AHNAK: variants seen among roughly 807,000 people sequenced by gnomAD.
The protein encoded by AHNAK is AHNAK nucleoprotein.
A neutral mutation model predicts 37.8 loss-of-function variants in AHNAK; 23 were observed. The ratio of observed to expected loss-of-function variants is 0.61; its 90% CI spans 0.44 to 0.86. AHNAK has a LOEUF of 0.86. AHNAK is among the 40% of genes least tolerant of loss of function. The pLI is 0.00. For missense variants in AHNAK, 7,411 were observed against 7,319.4 expected, an observed-to-expected ratio of 1.01 and a Z score of -0.46; for synonymous variants, 2,481 against 2,636.3, an observed-to-expected ratio of 0.94 and a Z score of 1.80.
chr11:62,440,145 G>A (rs1938272022), intron 5 of AHNAK, among the ~76,000 whole-genome samples: 1 of 152,114 alleles, frequency 6.6e-6, no homozygotes, highest in Admixed American at 6.6e-5. Context: ...TCCACTCACT[G>A]CCAATCAAGG....
rs908995572 is a variant in AHNAK at position 62,529,661 on chromosome 11, G to C, written c.4756C>G (p.Leu1586Val). ...THKISMPDVG[L>V]NLKAPKLKTD... ...TTCAGTTTAGGGGCTTTCAAATTAA[G>C]TCCAACATCAGGCATAGAGATTTTG... Residue 1586 changes from leucine to valine, a missense_variant, in exon 5 of 5, where the codon CTT (leucine) becomes GTT (valine). Coordinates refer to ENST00000378024, the MANE Select transcript of AHNAK (RefSeq NM_001620.3). 2 of 1,614,140 alleles carry C rather than the reference G, an allele frequency of 1.2e-6. No homozygotes were observed. Among genetic ancestry groups the C allele is most frequent in the African/African-American group, 1.3e-5 (1 of 75,032 alleles).
At position 62,433,548 on chromosome 11, in the gene AHNAK, C is replaced by T. The variant is rs970509671; in HGVS notation, c.*336G>A. ...ACAAAGGTTGACACAAGAACAGATG[C>T]TTGATAAATGTTTATTGGATAAACG... On this transcript the variant is annotated 3_prime_UTR_variant, in exon 6 of 6. Coordinates refer to the AHNAK transcript ENST00000257247. 4.5e-5 allele frequency: 16 copies of T among 355,412 alleles called. No individual in the cohort carries two copies. The South Asian group carries it at 1.1e-3, about 23-fold the overall frequency. 22.0% of individuals were successfully genotyped at this position (355,412 alleles called of 1,614,324 possible).
intron 5 of AHNAK, among the ~76,000 whole-genome samples, chr11:62,448,616 G>A (rs189851145): frequency 2.4e-4 from 37 of 152,318 alleles, no homozygotes; most frequent in African/African-American, 8.4e-4. Flanking sequence ...GTTCAGGGGT[G>A]GGGGAGGCAA....
chr11:62,441,066 T>C (rs1325100269), intron 5 of AHNAK, among the ~76,000 whole-genome samples: 1 of 151,824 alleles, frequency 6.6e-6, no homozygotes, highest in Non-Finnish European at 1.5e-5. Context: ...AGTGGCATCA[T>C]CTCAGCTCAC....
chr11:62,521,146 G>A lies in AHNAK; in HGVS notation c.13271C>T (p.Pro4424Leu). Residue 4424 changes from proline (P) to leucine (L), a missense_variant, in exon 5 of 5, where the codon CCC (proline) becomes CTC (leucine). Transcript: ENST00000378024. ...LKGPEIDIKG[P>L]SLDIDTPDVN... is the part of the protein sequence containing the mutation. ...ATCAGGTGTGTCAATGTCCAAACTG[G>A]GGCCTTTTATGTCAATTTCAGGGCC... The A allele has an allele frequency of 1.2e-6, 2 of 1,613,766 alleles. No individual in the cohort carries two copies. The highest frequency in any genetic ancestry group is 1.7e-6 in the Non-Finnish European group (2 of 1,179,978).
chr11:62,483,064 T>TCG (rs1939308310), intron 5 of AHNAK, among the ~76,000 whole-genome samples: 1 of 152,104 alleles, frequency 6.6e-6, no homozygotes, highest in Non-Finnish European at 1.5e-5. Flanking sequence ...CAAGAAGCAC[T>TCG]GCCTGGAGAG....
intron 4 of AHNAK, among the ~76,000 whole-genome samples, chr11:62,500,991 G>C (rs1400357544): frequency 6.6e-6 from 1 of 152,100 alleles, no homozygotes; most frequent in African/African-American, 2.4e-5. Context: ...GGCTGAGATG[G>C]GAGAATTGCT....
Position 62,535,025 on chromosome 11 carries a change from G to T in AHNAK, c.320C>A (p.Ser107Tyr). ...GQTWTREVFS[S>Y]CSSEVVLSGD... ...CACCAGAACCACTTCAGAGCTGCAGGAGCTGAAGACTTCACGGGTCCAGGT... is the reference window on the plus strand; with the variant it reads ...CACCAGAACCACTTCAGAGCTGCAGTAGCTGAAGACTTCACGGGTCCAGGT... Residue 107 changes from serine (S) to tyrosine (Y), a missense_variant, in exon 4 of 5, where the codon TCC (serine) becomes TAC (tyrosine). Ser to Tyr is a moderately radical substitution (Grantham distance 144). Coordinates refer to ENST00000378024, the MANE Select transcript of AHNAK (RefSeq NM_001620.3). 6.2e-7 allele frequency: 1 copy of T among 1,612,124 alleles called. No homozygotes were observed. Among genetic ancestry groups the T allele is most frequent in the African/African-American group, 1.3e-5 (1 of 75,016 alleles).
At chr11:62,459,010 A>G (rs1938727158) in intron 5 of AHNAK, among the ~76,000 whole-genome samples, 1 of 152,032 alleles carries the variant, frequency 6.6e-6, no homozygotes, top group South Asian at 2.1e-4. Context: ...GGACTGAGGG[A>G]TTTCCTGGGA....
At chr11:62,482,035 C>T (rs1432887210) in intron 5 of AHNAK, among the ~76,000 whole-genome samples, 1 of 152,184 alleles carries the variant, frequency 6.6e-6, no homozygotes, top group Non-Finnish European at 1.5e-5. Flanking sequence ...CTCACTCCAT[C>T]CCTGGCCCGT....
At chr11:62,469,431 A>G (rs922966585) in intron 5 of AHNAK, among the ~76,000 whole-genome samples, 1 of 148,308 alleles carries the variant, frequency 6.7e-6, no homozygotes, top group African/African-American at 2.5e-5. Context: ...CCCAATTAGG[A>G]TCTTTAACTA....
intron 5 of AHNAK, among the ~76,000 whole-genome samples, chr11:62,478,652 G>A (rs1939198164): frequency 6.6e-6 from 1 of 150,930 alleles, no homozygotes. Context: ...GGAGACTGAG[G>A]TGCGAGGATC....
Position 62,439,664 on chromosome 11 carries a change from GAT to G in AHNAK, c.443-5775_443-5774del, listed in dbSNP as rs754151582. Among the ~76,000 whole-genome samples the G allele has an allele frequency of 2.0e-3, 253 of 126,412 alleles. 13 individuals carry two copies. Among genetic ancestry groups the G allele is most frequent in the East Asian group, 6.2e-3 (26 of 4,180 alleles). The allele number at this position is 126,412 out of a possible 152,430, so 82.9% of individuals were successfully genotyped here. A position where few individuals can be genotyped will look rare whatever the true frequency, so the allele number is the denominator to read the frequency against. On this transcript the variant is annotated intron_variant, in intron 5 of 5. Coordinates refer to the AHNAK transcript ENST00000257247. The stretch of plus-strand genomic sequence containing the variant: ...TTTGGTTTGTTTTGGATTTTTGTGT[GAT>G]TTTTTTTTTTTTTTTTTTTGAGATG...
intron 5 of AHNAK, among the ~76,000 whole-genome samples, chr11:62,459,364 T>C (rs1290999454): frequency 1.3e-5 from 2 of 152,208 alleles, no homozygotes; most frequent in Admixed American, 6.5e-5. Context: ...CAGCCATCAC[T>C]TACCCTAAGC....
chr11:62,527,655 A>G lies in AHNAK; in HGVS notation c.6762T>C (p.Pro2254=). The G allele has an allele frequency of 1.9e-6, 3 of 1,614,018 alleles. No individual in the cohort carries two copies. Among genetic ancestry groups the G allele is most frequent in the East Asian group, 2.2e-5 (1 of 44,850 alleles). Reference sequence around the variant, plus strand: ...CTTCTGGGCCCTCTCCTTTGAAGCCAGGCATGCTGAACTTGGGCATTTTCA... The same window carrying G: ...CTTCTGGGCCCTCTCCTTTGAAGCCGGGCATGCTGAACTTGGGCATTTTCA... ...PKMKMPKFSM[P]GFKGEGPEVD... is the part of the protein sequence containing the mutation. The change falls in exon 5 of 5, where the codon CCT becomes CCC. Residue 2254 remains proline (P), a synonymous_variant. Transcript: ENST00000378024.
intron 5 of AHNAK, among the ~76,000 whole-genome samples, chr11:62,448,217 G>A (rs530207269): frequency 3.9e-5 from 6 of 152,186 alleles, no homozygotes; most frequent in South Asian, 2.1e-4. Flanking sequence ...GGGATCTGGC[G>A]TAGAACCTTG....
At chr11:62,495,090 C>T (rs1010801262) in intron 4 of AHNAK, among the ~76,000 whole-genome samples, 4 of 151,888 alleles carry the variant, frequency 2.6e-5, no homozygotes, top group African/African-American at 9.7e-5. Context: ...CACCTGATCT[C>T]AGGGAAGTCA....
intron 4 of AHNAK, among the ~76,000 whole-genome samples, chr11:62,503,656 C>T (rs1939754758): frequency 6.6e-6 from 1 of 151,858 alleles, no homozygotes; most frequent in African/African-American, 2.4e-5. Flanking sequence ...ACCTGGGTTG[C>T]CGGCAAGGTC....
intron 5 of AHNAK, among the ~76,000 whole-genome samples, chr11:62,468,735 G>A (rs1938970043): frequency 6.6e-6 from 1 of 152,066 alleles, no homozygotes; most frequent in Non-Finnish European, 1.5e-5. Flanking sequence ...GACTGTGCCT[G>A]TGAAGAGTCA....
Sources: allele counts gnomAD v4.1 joint callset (sites outside exome capture counted in the v4.1 genomes callset), GRCh38; gene constraint gnomAD v4.1.1; transcripts MANE v1.5; gene names NCBI Gene and HGNC (gene_info 2026-07-23, HGNC 2026-07-21).